Variants in SAXO1 observed in about 807,000 individuals in gnomAD.
SAXO1 encodes the protein stabilizer of axonemal microtubules 1, also known as 4930500O09Rik.
A neutral mutation model predicts 17.5 loss-of-function variants in SAXO1; 21 were observed. The observed-to-expected ratio is 1.20, with a 90% CI of 0.85 to 1.72. The LOEUF is 1.72. SAXO1 is among the 40% of genes most tolerant of loss of function. SAXO1 has a pLI of 0.00. For missense variants in SAXO1, 843 were observed against 596.0 expected (o/e 1.41, Z -4.32); for synonymous variants, 274 against 216.5 (o/e 1.27, Z -2.33).
chr9:18,986,769 A>C (rs1833611182), intron 1 of SAXO1, among the ~76,000 whole-genome samples: 1 of 152,244 alleles, frequency 6.6e-6, no homozygotes, highest in Admixed American at 6.5e-5. Context: ...ACTGCACAAG[A>C]GTGACACATC....
In SAXO1 at chr9:18,983,088, G is replaced by A. The variant is rs535793600; in HGVS notation, c.39-32151C>T. Among the ~76,000 whole-genome samples, 307 of 150,550 alleles carry A rather than the reference G, an allele frequency of 2.0e-3. 3 individuals carry two copies. Among genetic ancestry groups the A allele is most frequent in the Non-Finnish European group, 2.2e-3 (151 of 67,540 alleles). On this transcript the variant is annotated intron_variant, in intron 1 of 3. Coordinates refer to ENST00000380534, the MANE Select transcript of SAXO1 (RefSeq NM_153707.4). ...TTATTCAAGGAAGAAAAAAGGAAAG[G>A]AAAAAAAAAGGAGCAAAAATACAAA... is the stretch of plus-strand genomic sequence containing the variant.
Position 18,945,430 on chromosome 9 carries a change from T to A in SAXO1, c.219-3591A>T, listed in dbSNP as rs559143979. 8.8e-4 allele frequency among the ~76,000 whole-genome samples: 134 copies of A among 152,358 alleles called. 1 individual carries two copies. The highest frequency in any genetic ancestry group is 1.5e-3 in the Non-Finnish European group (99 of 68,028). ...GGGGTTCTGCTCTTTGTCAGTTGATTTGATTGACTTTGTCACTTCTATATG... is the reference window on the plus strand; with the variant it reads ...GGGGTTCTGCTCTTTGTCAGTTGATATGATTGACTTTGTCACTTCTATATG... On this transcript the variant is annotated intron_variant, in intron 2 of 3. Coordinates refer to ENST00000380534, the MANE Select transcript of SAXO1 (RefSeq NM_153707.4).
chr9:18,968,584 A>C (rs1308098657), intron 1 of SAXO1, among the ~76,000 whole-genome samples: 1 of 128,630 alleles, frequency 7.8e-6, no homozygotes, highest in African/African-American at 2.8e-5. Flanking sequence ...GGTTAAGAAA[A>C]TGTCCCCCTT....
chr9:19,022,520 A>AC (rs1277411679), intron 1 of SAXO1, among the ~76,000 whole-genome samples: 1 of 152,252 alleles, frequency 6.6e-6, no homozygotes, highest in East Asian at 1.9e-4. Flanking sequence ...GATTGTATGT[A>AC]GAGTTTTTTT....
chr9:18,989,452 T>C (rs532401307), intron 1 of SAXO1, among the ~76,000 whole-genome samples: 5 of 152,204 alleles, frequency 3.3e-5, no homozygotes, highest in Admixed American at 2.6e-4. Flanking sequence ...TAGTTACTAA[T>C]GCAGATTTAT....
chr9:19,027,461 A>G (rs1165763047), intron 1 of SAXO1: 3 of 777,320 alleles, frequency 3.9e-6, no homozygotes, highest in Non-Finnish European at 7.0e-6. Context: ...TTGTCAATGA[A>G]CCACAAGGAG....
chr9:18,985,676 C>T (rs753580382), intron 1 of SAXO1, among the ~76,000 whole-genome samples: 6 of 152,202 alleles, frequency 3.9e-5, no homozygotes, highest in Non-Finnish European at 5.9e-5. Flanking sequence ...GGTGAGAGCA[C>T]GCAGAGCCAC....
chr9:18,981,311 T>G (rs942169391), intron 1 of SAXO1, among the ~76,000 whole-genome samples: 6 of 152,232 alleles, frequency 3.9e-5, no homozygotes, highest in African/African-American at 1.2e-4. Context: ...TTCATGTCTA[T>G]TAAATTTCAG....
intron 1 of SAXO1, among the ~76,000 whole-genome samples, chr9:19,032,256 G>A (rs1430791719): frequency 1.3e-5 from 2 of 152,298 alleles, no homozygotes; most frequent in Non-Finnish European, 1.5e-5. Flanking sequence ...CAGCAGACCA[G>A]TCAGCCCGTG....
chr9:18,965,612 C>T (rs186672054), intron 1 of SAXO1, among the ~76,000 whole-genome samples: 162 of 152,034 alleles, frequency 1.1e-3, no homozygotes, highest in African/African-American at 3.8e-3. Flanking sequence ...TATCTTCCTC[C>T]GTCCCTTTAT....
At chr9:18,973,570 T>A (rs967696522) in intron 1 of SAXO1, among the ~76,000 whole-genome samples, 5 of 152,236 alleles carry the variant, frequency 3.3e-5, no homozygotes, top group African/African-American at 1.2e-4. Flanking sequence ...CCTGGTTAAA[T>A]GGCCCTCATG....
intron 1 of SAXO1, among the ~76,000 whole-genome samples, chr9:18,981,188 T>C (rs1270275687): frequency 6.6e-6 from 1 of 152,216 alleles, no homozygotes; most frequent in African/African-American, 2.4e-5. Flanking sequence ...TCTTTGTGAT[T>C]GCGATAATTA....
intron 3 of SAXO1, among the ~76,000 whole-genome samples, chr9:18,940,952 T>C (rs10757004): frequency 0.48 from 73,705 of 152,108 alleles, 20,944 homozygotes; most frequent in Non-Finnish European, 0.62. Context: ...ATAATGGTTA[T>C]ATTCTCATTG....
At position 18,928,017 on chromosome 9, in the gene SAXO1, G is replaced by C; in HGVS notation, c.*35C>G. The C allele has an allele frequency of 4.0e-6, 6 of 1,508,632 alleles. No individual in the cohort carries two copies. The highest frequency in any genetic ancestry group is 5.3e-6 in the Non-Finnish European group (6 of 1,124,912). The allele number at this position is 1,508,632 out of a possible 1,614,324, so 93.5% of individuals were successfully genotyped here. A position where few individuals can be genotyped will look rare whatever the true frequency, so the allele number is the denominator to read the frequency against. ...AATTCTCAGTTGTCTGCTTTTAAAA[G>C]TACTGTGTAATTTCTAAATTACTAT... On this transcript the variant is annotated 3_prime_UTR_variant, in exon 4 of 4. Coordinates refer to ENST00000380534, the MANE Select transcript of SAXO1 (RefSeq NM_153707.4).
chr9:19,044,767 G>A (rs937007108), intron 1 of SAXO1, among the ~76,000 whole-genome samples: 2 of 151,990 alleles, frequency 1.3e-5, no homozygotes, highest in Non-Finnish European at 2.9e-5. Flanking sequence ...GGAGGCTGAG[G>A]CAGGAGAATG....
intron 2 of SAXO1, among the ~76,000 whole-genome samples, chr9:18,948,010 G>T (rs1563936376): frequency 6.6e-6 from 1 of 152,158 alleles, no homozygotes; most frequent in East Asian, 1.9e-4. Context: ...ACTAAGCAGG[G>T]TCACTGTTTA....
At chr9:19,017,640 A>T (rs1835040805) in intron 1 of SAXO1, among the ~76,000 whole-genome samples, 1 of 152,266 alleles carries the variant, frequency 6.6e-6, no homozygotes, top group Non-Finnish European at 1.5e-5. Context: ...ACTGCCCCAC[A>T]GCCTTTTGCT....
chr9:19,003,810 A>G (rs1326727461), intron 1 of SAXO1, among the ~76,000 whole-genome samples: 2 of 152,204 alleles, frequency 1.3e-5, no homozygotes, highest in African/African-American at 4.8e-5. Context: ...AACCTAGGCA[A>G]TATCATTCAG....
chr9:18,942,166 C>T lies in SAXO1; in HGVS notation c.219-327G>A, dbSNP rs141022201. The stretch of plus-strand genomic sequence containing the variant: ...ACAATTTCTCACTAACAGCCTGCCA[C>T]CTGAGCTTCCTCCTTCATTCCTACC... On this transcript the variant is annotated intron_variant, in intron 2 of 3. Coordinates refer to ENST00000380534, the MANE Select transcript of SAXO1 (RefSeq NM_153707.4). Among the ~76,000 whole-genome samples the T allele has an allele frequency of 4.6e-5, 7 of 152,326 alleles. No individual in the cohort carries two copies. In the East Asian group the frequency reaches 1.2e-3, roughly 25 times the overall value.
Sources: allele counts gnomAD v4.1 joint callset (sites outside exome capture counted in the v4.1 genomes callset), GRCh38; gene constraint gnomAD v4.1.1; transcripts MANE v1.5; gene names NCBI Gene and HGNC (gene_info 2026-07-23, HGNC 2026-07-21).